Variants in DHTKD1 observed in about 807,000 individuals in gnomAD.
DHTKD1 encodes 2-oxoadipate dehydrogenase complex component E1.
In DHTKD1, 78 loss-of-function variants were observed where a neutral mutation model predicts 101.8. The observed-to-expected ratio is 0.77, with a 90% CI of 0.64 to 0.93. DHTKD1 has a LOEUF of 0.93. Ranked by LOEUF, DHTKD1 falls within the 40% of genes least tolerant of loss-of-function variation. The pLI, the probability that DHTKD1 is intolerant of heterozygous loss-of-function variation, is 0.00. For missense variants in DHTKD1, 1,223 were observed against 1,161.7 expected, an observed-to-expected ratio of 1.05 and a Z score of -0.77; for synonymous variants, 462 against 450.3, an observed-to-expected ratio of 1.03 and a Z score of -0.33.
At chr10:12,069,285 C>T (rs2131342533) in intron 1 of DHTKD1, 98 bp downstream of exon 1, 1 of 1,130,414 alleles carries the variant, frequency 8.8e-7, no homozygotes. Flanking sequence ...GAACCGGCTG[C>T]CGGCCTGAAC....
Position 12,103,335 on chromosome 10 carries a change from C to G in DHTKD1, c.1896+2154C>G, listed in dbSNP as rs1833198860. On this transcript the variant is annotated intron_variant, in intron 10 of 16. Transcript: ENST00000263035. This position sits in a 1 kb window ranked among gnomAD's most constrained non-coding sequence, Gnocchi z 4.8. ...TAGCTATATTTTCCTGAGTAGTGAT[C>G]TGCCTTCATTGTCTAATAGTATTGA... 6.6e-6 allele frequency among the ~76,000 whole-genome samples: 1 copy of G among 152,074 alleles called. No homozygotes were observed. Among genetic ancestry groups the G allele is most frequent in the East Asian group, 1.9e-4 (1 of 5,166 alleles).
chr10:12,084,617 A>C lies in DHTKD1; in HGVS notation c.388A>C (p.Ile130Leu). 1 of 1,613,736 alleles carries C rather than the reference A, an allele frequency of 6.2e-7. No individual in the cohort carries two copies. The highest frequency in any genetic ancestry group is 8.5e-7 in the Non-Finnish European group (1 of 1,179,626). Reference sequence around the variant, plus strand: ...TCTCAATCAAATCTACTGTGGGCAGATTTCTATTGAAACCTCCCAACTTCA... The same window carrying C: ...TCTCAATCAAATCTACTGTGGGCAGCTTTCTATTGAAACCTCCCAACTTCA... ...VYLNQIYCGQISIETSQLQSQ... is the reference protein window; with the variant it reads ...VYLNQIYCGQLSIETSQLQSQ... The change falls in exon 3 of 17, where the codon ATT (isoleucine) becomes CTT (leucine). Residue 130 changes from isoleucine (I) to leucine (L), a missense_variant. Transcript: ENST00000263035.
rs114916675 is a variant in DHTKD1 at position 12,108,248 on chromosome 10, G to C, written c.2154+233G>C. Among the ~76,000 whole-genome samples the C allele has an allele frequency of 5.2e-3, 788 of 152,174 alleles. 11 individuals are homozygous for C. Among genetic ancestry groups the C allele is most frequent in the African/African-American group, 0.018 (751 of 41,540 alleles). ...GCCAGGATCAGCAGTTCTTATACCA[G>C]GCTGATCATCAGAATCCCCCAGAGA... On this transcript the variant is annotated intron_variant, in intron 12 of 16. Transcript: ENST00000263035.
chr10:12,120,104 C>A, intron 15 of DHTKD1, 78 bp from the exon 16 acceptor site: 1 of 1,094,288 alleles, frequency 9.1e-7, no homozygotes, highest in Non-Finnish European at 1.4e-6. Context: ...AAAACTCCAT[C>A]GTAGGTGGGA....
At chr10:12,115,067 T>C (rs933300895) in intron 13 of DHTKD1, among the ~76,000 whole-genome samples, 4 of 148,470 alleles carry the variant, frequency 2.7e-5, no homozygotes, top group Non-Finnish European at 4.4e-5. Flanking sequence ...AGTGCTGGGA[T>C]TACAGGCATG....
intron 3 of DHTKD1, among the ~76,000 whole-genome samples, chr10:12,086,734 A>AGGTTGGAGTGCAGT (rs1415552298): frequency 6.6e-6 from 1 of 152,152 alleles, no homozygotes; most frequent in Non-Finnish European, 1.5e-5. Context: ...TCTGTCACCC[A>AGGTTGGAGTGCAGT]GGTTGGAGTG....
chr10:12,076,085 A>G (rs1832723437), intron 1 of DHTKD1, among the ~76,000 whole-genome samples: 1 of 151,264 alleles, frequency 6.6e-6, no homozygotes, highest in Non-Finnish European at 1.5e-5. Flanking sequence ...CACAAAGTCA[A>G]CTGATGAGAG....
At chr10:12,094,322 A>C in intron 7 of DHTKD1, 51 bp downstream of exon 7, 1 of 1,508,778 alleles carries the variant, frequency 6.6e-7, no homozygotes, top group Non-Finnish European at 9.2e-7. Context: ...TAAAATTACT[A>C]TTATTATTCT....
At chr10:12,096,471 G>C (rs1195438072) in intron 7 of DHTKD1, among the ~76,000 whole-genome samples, 2 of 151,944 alleles carry the variant, frequency 1.3e-5, no homozygotes, top group South Asian at 2.1e-4. Flanking sequence ...CTGTAGCCTC[G>C]ACTTCCTGGG....
rs553733640 is a variant in DHTKD1, at chr10:12,100,454, G to A, written c.1756+192G>A. ...TAATTTTTGTATTTTTAGTAGAGAC[G>A]GGGTTTCACTATGTTGGTCAGGCTG... On this transcript the variant is annotated intron_variant, in intron 9 of 16. Transcript: ENST00000263035. Among the ~76,000 whole-genome samples, 659 of 151,158 alleles carry A rather than the reference G, an allele frequency of 4.4e-3. 6 individuals are homozygous for A. Among genetic ancestry groups the A allele is most frequent in the African/African-American group, 0.012 (490 of 41,252 alleles).
chr10:12,094,828 CAG>C (rs1358509545), intron 7 of DHTKD1, among the ~76,000 whole-genome samples: 9 of 151,470 alleles, frequency 5.9e-5, no homozygotes, highest in Admixed American at 2.6e-4. Flanking sequence ...TTAGTACAGA[CAG>C]GGGTTTCGCC....
rs750044852 is a variant in DHTKD1 at position 12,094,139 on chromosome 10, C to T, written c.1226C>T (p.Thr409Ile). 1.2e-6 allele frequency: 2 copies of T among 1,614,128 alleles called. No homozygotes were observed. The highest frequency in any genetic ancestry group is 1.1e-5 in the South Asian group (1 of 91,084). Residue 409 changes from threonine (T) to isoleucine (I), a missense_variant, in exon 7 of 17, where the codon ACA becomes ATA. Transcript: ENST00000263035. ...AGCCCAGAGGAAGTGGTCCGTGCCA[C>T]ACGACTGGCTTTTGAATACCAACGC... ...GDSPEEVVRATRLAFEYQRQF... is the reference protein window; with the variant it reads ...GDSPEEVVRAIRLAFEYQRQF...
rs753964132 is a variant in DHTKD1, at chr10:12,100,293, T to TTTTTTTGTTTTTG, written c.1756+37_1756+38insGTTTTTGTTTTTT. On this transcript the variant is annotated intron_variant, in intron 9 of 16. Coordinates refer to ENST00000263035, the MANE Select transcript of DHTKD1 (RefSeq NM_018706.7). ...AATTTTCTTTTTTTTTTCTGTTTTT[T>TTTTTTTGTTTTTG]TTTTTTTTGAGTCTCACCCTGTCGC... 60 of 874,010 alleles carry TTTTTTTGTTTTTG rather than the reference T, an allele frequency of 6.9e-5. 5 individuals are homozygous for TTTTTTTGTTTTTG. The highest frequency in any genetic ancestry group is 9.4e-5 in the Non-Finnish European group (56 of 597,552). The allele number at this position is 874,010 out of a possible 1,614,324, so 54.1% of individuals were successfully genotyped here.
At position 12,087,479 on chromosome 10, in the gene DHTKD1, C is replaced by G. The variant is rs779932906; in HGVS notation, c.523-56C>G. ...CAACACACACAGACTTATCTGCCTT[C>G]CACTGGAGAAGCTGGCTGTCTCCTG... is the stretch of plus-strand genomic sequence containing the variant. On this transcript the variant is annotated intron_variant, in intron 3 of 16. Transcript: ENST00000263035. This position sits in a 1 kb window ranked among gnomAD's most constrained non-coding sequence, Gnocchi z 5.2. 6.1e-5 allele frequency: 90 copies of G among 1,487,172 alleles called. No homozygotes were observed. The highest frequency in any genetic ancestry group is 4.4e-4 in the Admixed American group (22 of 50,058). The allele number at this position is 1,487,172 out of a possible 1,614,324, so 92.1% of individuals were successfully genotyped here.
At chr10:12,098,154 TAGTC>T (rs1211101964) in intron 8 of DHTKD1, among the ~76,000 whole-genome samples, 158 bp downstream of exon 8, 3 of 152,220 alleles carry the variant, frequency 2.0e-5, no homozygotes, top group Admixed American at 6.5e-5. Context: ...TTGGTACTGA[TAGTC>T]AGTTACCTCA....
intron 13 of DHTKD1, among the ~76,000 whole-genome samples, chr10:12,113,678 G>A (rs541934020): frequency 6.6e-6 from 1 of 152,190 alleles, no homozygotes; most frequent in African/African-American, 2.4e-5. Context: ...ATAATTCCAG[G>A]ACTTTGGGAG....
chr10:12,089,043 G>A lies in DHTKD1; in HGVS notation c.775G>A (p.Gly259Arg). 1 of 1,613,884 alleles carries A rather than the reference G, an allele frequency of 6.2e-7. No individual in the cohort carries two copies. Among genetic ancestry groups the A allele is most frequent in the Non-Finnish European group, 8.5e-7 (1 of 1,179,756 alleles). Residue 259 changes from glycine to arginine, a missense_variant, in exon 5 of 17, where the codon GGA (glycine) becomes AGA (arginine). Gly to Arg is a moderately radical substitution (Grantham distance 125). Coordinates refer to ENST00000263035, the MANE Select transcript of DHTKD1 (RefSeq NM_018706.7). ...SEFPENFSAT[G>R]DVLSHLTSSV... is the part of the protein sequence containing the mutation. ...ATTTCCAGAGAATTTCTCAGCCACT[G>A]GAGACGTCCTGTCTCACCTGACCTC...
intron 13 of DHTKD1, among the ~76,000 whole-genome samples, chr10:12,113,778 G>C (rs1052051191): frequency 6.6e-6 from 1 of 151,984 alleles, no homozygotes; most frequent in African/African-American, 2.4e-5. Flanking sequence ...AAAATTGGCC[G>C]GTGTGGTGGC....
At chr10:12,070,012 A>G (rs532530665) in intron 1 of DHTKD1, among the ~76,000 whole-genome samples, 58 of 152,242 alleles carry the variant, frequency 3.8e-4, no homozygotes, top group Admixed American at 1.5e-3. Flanking sequence ...GGAAGACAGC[A>G]TGATATTTAT....
Sources: allele counts gnomAD v4.1 joint callset (sites outside exome capture counted in the v4.1 genomes callset), GRCh38; gene constraint gnomAD v4.1.1; non-coding constraint Gnocchi (gnomAD v3.1); transcripts MANE v1.5; gene names NCBI Gene and HGNC (gene_info 2026-07-23, HGNC 2026-07-21).